The following ARHGEF26 variants were observed in gnomAD, a reference collection of about 807,000 sequenced individuals.
ARHGEF26 encodes the protein Rho guanine nucleotide exchange factor 26, also known as Rho guanine nucleotide exchange factor (GEF) 26.
A neutral mutation model predicts 89.4 loss-of-function variants in ARHGEF26; 59 were observed. The ratio of observed to expected loss-of-function variants is 0.66; its 90% confidence interval spans 0.54 to 0.82. The LOEUF is 0.82. Among genes scored for constraint, ARHGEF26 ranks in the 40% least tolerant of loss-of-function variants. The probability of loss-of-function intolerance (pLI) is 0.00; values close to 1 mark genes in which losing one functional copy is unlikely to be tolerated. For synonymous variants in ARHGEF26, 500 were observed against 428.4 expected, an observed-to-expected ratio of 1.17 and a Z score of -2.06; for missense variants, 1,234 against 1,085.6, an observed-to-expected ratio of 1.14 and a Z score of -1.92.
At chr3:154,245,613 A>T (rs1290824902) in intron 12 of ARHGEF26, among the ~76,000 whole-genome samples, 5 of 152,138 alleles carry the variant, frequency 3.3e-5, no homozygotes, top group Non-Finnish European at 7.4e-5. Flanking sequence ...CTGCAGTCTC[A>T]TCTTGAGAAT....
chr3:154,246,249 A>G (rs1717796018), intron 12 of ARHGEF26, among the ~76,000 whole-genome samples: 1 of 152,168 alleles, frequency 6.6e-6, no homozygotes, highest in South Asian at 2.1e-4. Flanking sequence ...GTTTCAGCCA[A>G]AGGGAACAGC....
At position 154,245,108 on chromosome 3, in the gene ARHGEF26, A is replaced by ACCT. The variant is rs527597506; in HGVS notation, c.2300+4532_2300+4534dup. ...AGTGGCACGATCTCGGCTCACTGCA[A>ACCT]CCTCCCCTTCACGGGTTCAAGTGAT... On this transcript the variant is annotated intron_variant, in intron 12 of 14. Coordinates refer to ENST00000465093, the MANE Select transcript of ARHGEF26 (RefSeq NM_015595.4). Among the ~76,000 whole-genome samples the ACCT allele has an allele frequency of 5.9e-5, 9 of 152,126 alleles. No individual in the cohort carries two copies. In the East Asian group the frequency reaches 1.7e-3, roughly 29 times the overall value.
At chr3:154,147,503 A>G (rs969769778) in intron 4 of ARHGEF26, among the ~76,000 whole-genome samples, 3 of 152,226 alleles carry the variant, frequency 2.0e-5, no homozygotes, top group Non-Finnish European at 4.4e-5. Flanking sequence ...AGAAACTGGT[A>G]TATTATATTT....
At chr3:154,212,035 A>G (rs564039152) in intron 9 of ARHGEF26, among the ~76,000 whole-genome samples, 2 of 152,280 alleles carry the variant, frequency 1.3e-5, no homozygotes, top group Admixed American at 1.3e-4. Context: ...TGACATTGGT[A>G]TATTTTAACA....
intron 9 of ARHGEF26, among the ~76,000 whole-genome samples, chr3:154,199,310 G>A (rs1714483065): frequency 6.6e-6 from 1 of 151,934 alleles, no homozygotes; most frequent in African/African-American, 2.4e-5. Flanking sequence ...ATGAGAACAT[G>A]TAATGTTTGT....
At chr3:154,181,170 G>A (rs566163148) in intron 6 of ARHGEF26, among the ~76,000 whole-genome samples, 4 of 152,240 alleles carry the variant, frequency 2.6e-5, no homozygotes, top group South Asian at 4.1e-4. Flanking sequence ...CTTACTTACC[G>A]GCAGCAGAAT....
chr3:154,217,362 AC>A (rs1715829404), intron 9 of ARHGEF26, among the ~76,000 whole-genome samples: 1 of 151,866 alleles, frequency 6.6e-6, no homozygotes, highest in South Asian at 2.1e-4. Context: ...CATGTCCTTC[AC>A]CCACTTTCTG....
At position 154,142,719 on chromosome 3, in the gene ARHGEF26, G is replaced by A. The variant is rs182464493; in HGVS notation, c.1270-6670G>A. 5.3e-5 allele frequency among the ~76,000 whole-genome samples: 8 copies of A among 152,214 alleles called. 1 individual carries two copies. The highest frequency in any genetic ancestry group is 4.1e-4 in the South Asian group (2 of 4,820). On this transcript the variant is annotated intron_variant, in intron 4 of 14. Coordinates refer to ENST00000465093, the MANE Select transcript of ARHGEF26 (RefSeq NM_015595.4). ...TTAGAAATAGGTGTTCTTTTCTTCC[G>A]CAAGAGAGGAACATCAGACCTGTTG...
chr3:154,192,060 A>G (rs941995687), intron 8 of ARHGEF26, among the ~76,000 whole-genome samples: 24 of 152,216 alleles, frequency 1.6e-4, no homozygotes, highest in East Asian at 3.9e-4. Context: ...CAGGTAGGCT[A>G]TGGGCAGGAG....
chr3:154,256,601 C>A lies in ARHGEF26; in HGVS notation c.*1128C>A, dbSNP rs13095755. 0.23 allele frequency: 106,423 copies of A among 472,004 alleles called. 8,798 individuals are homozygous for A. The highest frequency in any genetic ancestry group is 0.47 in the East Asian group (3,831 of 8,090). 29.2% of individuals were successfully genotyped at this position (472,004 alleles called of 1,614,324 possible). A position where few individuals can be genotyped will look rare whatever the true frequency, so the allele number is the denominator to read the frequency against. On this transcript the variant is annotated 3_prime_UTR_variant, in exon 15 of 15. Coordinates refer to ENST00000465093, the MANE Select transcript of ARHGEF26 (RefSeq NM_015595.4). ...CCTTCCCAAATGAGCTGATAAAAAA[C>A]TGACGTGAGGCTGCTTTGCCTTCAA...
chr3:154,176,427 A>T (rs1712824108), intron 6 of ARHGEF26, among the ~76,000 whole-genome samples: 1 of 152,218 alleles, frequency 6.6e-6, no homozygotes, highest in South Asian at 2.1e-4. Context: ...ACACTAGAAA[A>T]TGACAAACTC....
chr3:154,142,592 C>G lies in ARHGEF26; in HGVS notation c.1270-6797C>G, dbSNP rs563791396. The stretch of plus-strand genomic sequence containing the variant: ...TCAGAAATTCAGAGTCGCTGTTGTT[C>G]TAAGTAGCTTATTGTTTTGGAGTTT... On this transcript the variant is annotated intron_variant, in intron 4 of 14. Coordinates refer to ENST00000465093, the MANE Select transcript of ARHGEF26 (RefSeq NM_015595.4). 2.0e-5 allele frequency among the ~76,000 whole-genome samples: 3 copies of G among 150,682 alleles called. No homozygotes were observed. The South Asian group carries it at 6.7e-4, about 34-fold the overall frequency.
intron 9 of ARHGEF26, among the ~76,000 whole-genome samples, chr3:154,195,665 A>G (rs1358446913): frequency 6.6e-6 from 1 of 152,204 alleles, no homozygotes; most frequent in African/African-American, 2.4e-5. Context: ...AGAGTGGATA[A>G]GTTCCATTTG....
intron 6 of ARHGEF26, among the ~76,000 whole-genome samples, chr3:154,184,336 A>G (rs1007122861): frequency 2.6e-5 from 4 of 152,216 alleles, no homozygotes; most frequent in Middle Eastern, 3.2e-3. Context: ...TTAAATGACA[A>G]ATATTTCACA....
At chr3:154,201,456 A>G (rs1576770543) in intron 9 of ARHGEF26, among the ~76,000 whole-genome samples, 1 of 152,132 alleles carries the variant, frequency 6.6e-6, no homozygotes, top group East Asian at 1.9e-4. Context: ...TAGTGCCACA[A>G]TAAACATACA....
At chr3:154,173,618 A>G (rs935294832) in intron 6 of ARHGEF26, among the ~76,000 whole-genome samples, 5 of 152,248 alleles carry the variant, frequency 3.3e-5, no homozygotes, top group African/African-American at 9.6e-5. Context: ...GAAAGCTGGC[A>G]TTCTCTTCCC....
At chr3:154,147,210 G>A (rs1363590937) in intron 4 of ARHGEF26, among the ~76,000 whole-genome samples, 4 of 152,154 alleles carry the variant, frequency 2.6e-5, no homozygotes, top group Non-Finnish European at 5.9e-5. Context: ...TTCCAGACCA[G>A]CCTGACCAAC....
intron 10 of ARHGEF26, 138 bp from the exon 11 acceptor site, chr3:154,225,718 A>C: frequency 1.3e-6 from 1 of 794,778 alleles, no homozygotes; most frequent in Non-Finnish European, 1.8e-6. Flanking sequence ...TTTATAGTTC[A>C]GTTTTATATG....
intron 6 of ARHGEF26, among the ~76,000 whole-genome samples, chr3:154,169,518 T>C (rs939229608): frequency 1.3e-5 from 2 of 152,184 alleles, no homozygotes; most frequent in Non-Finnish European, 2.9e-5. Context: ...TTTTTGTTGA[T>C]CATTTTGCTG....
Sources: gnomAD v4.1 joint callset for allele counts (sites outside exome capture counted in the v4.1 genomes callset) on GRCh38, gnomAD v4.1.1 for gene constraint, MANE v1.5 for transcripts, NCBI Gene and HGNC (gene_info 2026-07-23, HGNC 2026-07-21) for gene names.